The following SZRD1 variants were observed in gnomAD, a reference collection of about 807,000 sequenced individuals.
SZRD1 encodes SUZ RNA-binding domain-containing.
Under a neutral mutation model 17.6 loss-of-function variants are expected in SZRD1, and 7 were observed. The ratio of observed to expected loss-of-function variants is 0.40; its 90% CI spans 0.23 to 0.75. SZRD1 has a LOEUF of 0.75. Among genes scored for constraint, SZRD1 ranks in the 30% least tolerant of loss-of-function variants. The probability of loss-of-function intolerance (pLI) is 0.38; values close to 1 mark genes in which losing one functional copy is unlikely to be tolerated. For synonymous variants in SZRD1, 77 were observed against 77.9 expected (o/e 0.99, Z 0.06); for missense variants, 178 against 201.8 (o/e 0.88, Z 0.71).
intron 1 of SZRD1, among the ~76,000 whole-genome samples, chr1:16,376,805 CA>C (rs59746262): frequency 0.011 from 866 of 75,608 alleles, 3 homozygotes; most frequent in African/African-American, 0.032. Context: ...GACTCTGTCT[CA>C]AAAAAAAAAA....
At chr1:16,374,755 CT>C (rs1409304029) in intron 1 of SZRD1, among the ~76,000 whole-genome samples, 2 of 152,208 alleles carry the variant, frequency 1.3e-5, no homozygotes, top group Admixed American at 1.3e-4. Context: ...AGGAAAACTA[CT>C]GACCTGTTGG....
rs1024779778 is a variant in SZRD1, at chr1:16,393,672, A to G, written c.356+190A>G. The stretch of plus-strand genomic sequence containing the variant: ...CGCATTGGCTGGAGAGGGCTCTGAA[A>G]GCCTTGCCAGGGAGGAGGTGGCAGT... On this transcript the variant is annotated intron_variant, in intron 3 of 3. Transcript: ENST00000401088. This position sits in a 1 kb window ranked among gnomAD's most constrained non-coding sequence, Gnocchi z 5.6. 6.6e-6 allele frequency among the ~76,000 whole-genome samples: 1 copy of G among 152,184 alleles called. No homozygotes were observed. Among genetic ancestry groups the G allele is most frequent in the Non-Finnish European group, 1.5e-5 (1 of 68,036 alleles).
chr1:16,375,581 A>C (rs1006652828), intron 1 of SZRD1, among the ~76,000 whole-genome samples: 7 of 151,782 alleles, frequency 4.6e-5, no homozygotes, highest in African/African-American at 1.7e-4. Flanking sequence ...CCAAAGTGTT[A>C]GGATTACAGG....
At chr1:16,386,874 T>C (rs993599001) in intron 1 of SZRD1, among the ~76,000 whole-genome samples, 13 of 151,910 alleles carry the variant, frequency 8.6e-5, no homozygotes, top group South Asian at 2.1e-4. Flanking sequence ...CAATATCTAA[T>C]GGTTTATACT....
chr1:16,367,330 A>T, intron 1 of SZRD1, 22 bp downstream of exon 1: 1 of 1,546,972 alleles, frequency 6.5e-7, no homozygotes, highest in African/African-American at 1.4e-5. Flanking sequence ...CCGCCGTCCC[A>T]TGGCAGGGCC....
In SZRD1 at chr1:16,393,305, T is replaced by C; in HGVS notation, c.179T>C (p.Ile60Thr). Residue 60 changes from isoleucine (I) to threonine (T), a missense_variant, in exon 3 of 4, where the codon ATC (isoleucine) becomes ACC (threonine). Coordinates refer to ENST00000401088, the MANE Select transcript of SZRD1 (RefSeq NM_001114600.3). This position sits in a 1 kb window ranked among gnomAD's most constrained non-coding sequence, Gnocchi z 5.6. Reference protein sequence around the residue: ...DSLPAGPPPQIRILKRPTSNG... With the variant: ...DSLPAGPPPQTRILKRPTSNG... ...CTTCCCGCGGGGCCCCCTCCACAGA[T>C]CCGCATCCTCAAGAGGCCCACCAGC... is the stretch of plus-strand genomic sequence containing the variant. 1 of 1,614,108 alleles carries C rather than the reference T, an allele frequency of 6.2e-7. No homozygotes were observed.
Position 16,395,059 on chromosome 1 carries a change from C to G in SZRD1, c.378C>G (p.Pro126=). 2.5e-6 allele frequency: 4 copies of G among 1,613,230 alleles called. No homozygotes were observed. Among genetic ancestry groups the G allele is most frequent in the Non-Finnish European group, 2.5e-6 (3 of 1,179,216 alleles). The change falls in exon 4 of 4, where the codon CCC becomes CCG. Residue 126 remains proline, a synonymous_variant. Coordinates refer to ENST00000401088, the MANE Select transcript of SZRD1 (RefSeq NM_001114600.3). ...ILDRPTRISQ[P]EDSRQPNNVI... ...TCAGGCCAACCAGGATCTCCCAACC[C>G]GAAGACAGCAGGCAGCCCAATAATG...
At chr1:16,382,281 G>A (rs750618127) in intron 1 of SZRD1, among the ~76,000 whole-genome samples, 4 of 151,410 alleles carry the variant, frequency 2.6e-5, no homozygotes, top group Non-Finnish European at 4.4e-5. Flanking sequence ...TCCGCCTCCC[G>A]GGTTCAAGCG....
At chr1:16,388,678 CTTTTTTTT>C (rs950662267) in intron 1 of SZRD1, among the ~76,000 whole-genome samples, 2 of 92,200 alleles carry the variant, frequency 2.2e-5, no homozygotes, top group African/African-American at 8.8e-5. Context: ...AAGAATAAGT[CTTTTTTTT>C]TTTTTTTTTT....
intron 1 of SZRD1, among the ~76,000 whole-genome samples, chr1:16,377,333 A>G (rs2083021603): frequency 6.6e-6 from 1 of 152,186 alleles, no homozygotes; most frequent in Non-Finnish European, 1.5e-5. Flanking sequence ...CTGTAATCCC[A>G]GCACTTTGGG....
intron 1 of SZRD1, among the ~76,000 whole-genome samples, chr1:16,372,385 A>G (rs946561970): frequency 5.3e-5 from 8 of 152,170 alleles, no homozygotes; most frequent in African/African-American, 1.2e-4. Flanking sequence ...AGGCAGGAGA[A>G]TCTCTTGAAC....
At chr1:16,387,050 A>G (rs1194465612) in intron 1 of SZRD1, 2 of 289,802 alleles carry the variant, frequency 6.9e-6, no homozygotes, top group African/African-American at 4.5e-5. Context: ...TTGTCTGCCA[A>G]ACAGGGCTGG....
chr1:16,369,106 G>A (rs1216524740), intron 1 of SZRD1: 2 of 363,922 alleles, frequency 5.5e-6, no homozygotes, highest in Admixed American at 9.2e-5. Context: ...TGGTTCCCAA[G>A]TTTTATTGAA....
intron 1 of SZRD1, chr1:16,387,936 G>A (rs943718914): frequency 6.1e-6 from 2 of 327,738 alleles, no homozygotes; most frequent in African/African-American, 2.2e-5. Flanking sequence ...GAGTGTCTGT[G>A]TTTGTCAGTT....
intron 3 of SZRD1, 90 bp from the exon 4 acceptor site, chr1:16,394,948 C>T: frequency 2.6e-6 from 2 of 783,170 alleles, no homozygotes; most frequent in Non-Finnish European, 2.1e-6. Flanking sequence ...GAATGAGACT[C>T]CGTCTCAAAA....
rs756446250 is a variant in SZRD1 at position 16,393,414 on chromosome 1, C to T, written c.288C>T (p.Ala96=). The part of the protein sequence containing the change: ...KSLAQREAEY[A]EARKRILGSA... ...TAGCACAGCGAGAGGCCGAGTACGC[C>T]GAGGCCCGGAAGCGGATCCTGGGCA... The change falls in exon 3 of 4, where the codon GCC becomes GCT. Residue 96 remains alanine, a synonymous_variant. Coordinates refer to ENST00000401088, the MANE Select transcript of SZRD1 (RefSeq NM_001114600.3). The surrounding 1 kb of genome is among the most constrained non-coding windows in gnomAD (Gnocchi z 5.6). The T allele has an allele frequency of 1.7e-5, 27 of 1,613,972 alleles. No homozygotes were observed. In the East Asian group the frequency reaches 1.8e-4, roughly 11 times the overall value.
chr1:16,391,715 C>T lies in SZRD1; in HGVS notation c.101+291C>T, dbSNP rs947662433. 5.3e-5 allele frequency among the ~76,000 whole-genome samples: 8 copies of T among 152,024 alleles called. No individual in the cohort carries two copies. The highest frequency in any genetic ancestry group is 5.2e-4 in the Admixed American group (8 of 15,258). On this transcript the variant is annotated intron_variant, in intron 2 of 3. Coordinates refer to ENST00000401088, the MANE Select transcript of SZRD1 (RefSeq NM_001114600.3). This position sits in a 1 kb window ranked among gnomAD's most constrained non-coding sequence, Gnocchi z 4.3. ...GACTTGAGTTTTAGGCCTGGCAGTGCCCCAGTTGCTCTGAGGTCTGGGGCA... is the reference window on the plus strand; with the variant it reads ...GACTTGAGTTTTAGGCCTGGCAGTGTCCCAGTTGCTCTGAGGTCTGGGGCA...
chr1:16,394,428 G>A (rs1331113836), intron 3 of SZRD1, among the ~76,000 whole-genome samples: 3 of 152,178 alleles, frequency 2.0e-5, no homozygotes, highest in Non-Finnish European at 2.9e-5. Flanking sequence ...CGGAGCATGT[G>A]CTATCCATGG....
At chr1:16,377,562 CA>C (rs34066824) in intron 1 of SZRD1, among the ~76,000 whole-genome samples, 1,263 of 62,070 alleles carry the variant, frequency 0.02, 6 homozygotes, top group African/African-American at 0.03. Context: ...GACTCTGTCT[CA>C]AAAAAAAAAA....
Sources: gnomAD v4.1 joint callset for allele counts (sites outside exome capture counted in the v4.1 genomes callset) on GRCh38, gnomAD v4.1.1 for gene constraint, Gnocchi (gnomAD v3.1) non-coding constraint, MANE v1.5 for transcripts, NCBI Gene and HGNC (gene_info 2026-07-23, HGNC 2026-07-21) for gene names.